ATG5: variants seen among roughly 807,000 people sequenced by gnomAD.
ATG5 encodes the protein autophagy protein 5.
In ATG5, 14 loss-of-function variants were observed where a neutral mutation model predicts 36.5. That is an observed-to-expected ratio of 0.38 (90% confidence interval 0.25 to 0.60). The LOEUF is 0.60. Ranked by LOEUF, ATG5 falls within the 20% of genes least tolerant of loss-of-function variation. ATG5 has a pLI of 0.60. For synonymous variants in ATG5, 95 were observed against 101.5 expected (o/e 0.94, Z 0.38); for missense variants, 195 against 326.7 (o/e 0.60, Z 3.11).
intron 7 of ATG5, 34 bp downstream of exon 7, chr6:106,201,938 G>T: frequency 6.8e-7 from 1 of 1,472,186 alleles, no homozygotes; most frequent in Non-Finnish European, 9.4e-7. Context: ...AACAGAAAAT[G>T]AAAGAAATGT....
intron 3 of ATG5, among the ~76,000 whole-genome samples, chr6:106,307,535 CTTT>C (rs34511184): frequency 1.0e-4 from 11 of 105,132 alleles, no homozygotes; most frequent in Admixed American, 3.6e-4. Context: ...TTTCAATACC[CTTT>C]TTTTTTTTTT....
intron 3 of ATG5, among the ~76,000 whole-genome samples, chr6:106,295,601 T>C (rs1258401142): frequency 1.3e-5 from 2 of 151,756 alleles, no homozygotes; most frequent in African/African-American, 4.8e-5. Context: ...TCTTACTCTG[T>C]AACCTAGGCT....
At chr6:106,294,052 GA>G (rs1338268827) in intron 3 of ATG5, among the ~76,000 whole-genome samples, 1 of 151,994 alleles carries the variant, frequency 6.6e-6, no homozygotes, top group Non-Finnish European at 1.5e-5. Context: ...TGAAATGCTG[GA>G]ATGAGCACTT....
intron 5 of ATG5, 41 bp downstream of exon 5, chr6:106,279,620 T>C (rs755799267): frequency 3.6e-6 from 5 of 1,382,944 alleles, no homozygotes; most frequent in Non-Finnish European, 4.8e-6. Context: ...GTATCATATT[T>C]TATAAAGTGG....
At chr6:106,255,378 T>C (rs1436441721) in intron 5 of ATG5, among the ~76,000 whole-genome samples, 1 of 152,212 alleles carries the variant, frequency 6.6e-6, no homozygotes, top group Non-Finnish European at 1.5e-5. Flanking sequence ...GCTTTATAAA[T>C]GGAGTCAGTA....
chr6:106,257,783 C>A (rs2114541376), intron 5 of ATG5, among the ~76,000 whole-genome samples: 1 of 152,276 alleles, frequency 6.6e-6, no homozygotes, highest in East Asian at 1.9e-4. Flanking sequence ...ATGGAAAATA[C>A]CTCTATAAAG....
At chr6:106,220,604 A>G (rs1777208686) in intron 6 of ATG5, among the ~76,000 whole-genome samples, 1 of 152,156 alleles carries the variant, frequency 6.6e-6, no homozygotes, top group Non-Finnish European at 1.5e-5. Flanking sequence ...ATTATTAGCA[A>G]ATAGTTATTT....
intron 5 of ATG5, among the ~76,000 whole-genome samples, chr6:106,265,829 T>C (rs1162988324): frequency 6.6e-6 from 1 of 152,210 alleles, no homozygotes; most frequent in Non-Finnish European, 1.5e-5. Flanking sequence ...CCAGAATCTC[T>C]GAGACACAGC....
chr6:106,245,773 T>C (rs964544695), intron 6 of ATG5, among the ~76,000 whole-genome samples: 2 of 152,172 alleles, frequency 1.3e-5, no homozygotes, highest in Non-Finnish European at 2.9e-5. Flanking sequence ...TCAAATATTA[T>C]AGAGATTTGT....
At chr6:106,209,897 A>T (rs570773931) in intron 6 of ATG5, among the ~76,000 whole-genome samples, 3 of 152,218 alleles carry the variant, frequency 2.0e-5, no homozygotes, top group African/African-American at 7.2e-5. Flanking sequence ...TTTGTTAATC[A>T]AAGTTTTCTC....
At chr6:106,312,691 G>A (rs112974478) in intron 2 of ATG5, among the ~76,000 whole-genome samples, 1 of 149,398 alleles carries the variant, frequency 6.7e-6, no homozygotes, top group African/African-American at 2.5e-5. Flanking sequence ...GCAAAACCAA[G>A]GATACTGAGC....
Position 106,292,676 on chromosome 6 carries a change from T to C in ATG5, c.315+352A>G, listed in dbSNP as rs1582662707. 2.6e-5 allele frequency among the ~76,000 whole-genome samples: 4 copies of C among 152,278 alleles called. 1 individual carries two copies. Among genetic ancestry groups the C allele is most frequent in the Admixed American group, 2.6e-4 (4 of 15,292 alleles). ...AATTTTATTTTTTATAGAGGCAGGG[T>C]CTCACTACATTGCCCAGGCTGGTCT... On this transcript the variant is annotated intron_variant, in intron 4 of 7. Coordinates refer to ENST00000369076, the MANE Select transcript of ATG5 (RefSeq NM_004849.4).
intron 1 of ATG5, among the ~76,000 whole-genome samples, chr6:106,321,635 G>C (rs1339640159): frequency 6.6e-6 from 1 of 152,110 alleles, no homozygotes; most frequent in East Asian, 1.9e-4. Context: ...TGGGATTACA[G>C]GCGTGAGCCA....
chr6:106,267,509 C>CA (rs776866416), intron 5 of ATG5, among the ~76,000 whole-genome samples: 1 of 152,054 alleles, frequency 6.6e-6, no homozygotes, highest in South Asian at 2.1e-4. Flanking sequence ...CATATGGAAC[C>CA]AAAAAAGAGC....
chr6:106,256,335 T>G (rs574588241), intron 5 of ATG5, among the ~76,000 whole-genome samples: 1 of 152,302 alleles, frequency 6.6e-6, no homozygotes, highest in South Asian at 2.1e-4. Context: ...ATTTCTTAAC[T>G]TTTGCTTCTC....
At chr6:106,323,855 C>T (rs1582701856) in intron 1 of ATG5, among the ~76,000 whole-genome samples, 1 of 152,200 alleles carries the variant, frequency 6.6e-6, no homozygotes, top group Admixed American at 6.5e-5. Flanking sequence ...TTCCCACATG[C>T]TCCTAAATGA....
intron 1 of ATG5, among the ~76,000 whole-genome samples, chr6:106,320,744 T>C (rs1259011742): frequency 6.6e-6 from 1 of 152,072 alleles, no homozygotes; most frequent in Non-Finnish European, 1.5e-5. Context: ...AAAATGAGAC[T>C]AGACCATGAA....
In ATG5 at chr6:106,184,991, T is replaced by G. The variant is rs1775713258; in HGVS notation, c.*1549A>C. ...ACATAACTCAAATATTGCTATTTTT[T>G]TCCTGCCTTTACTAAAATGGCACTT... On this transcript the variant is annotated 3_prime_UTR_variant, in exon 8 of 8. Transcript: ENST00000369076. 1 of 152,380 alleles carries G rather than the reference T, an allele frequency of 6.6e-6. No individual in the cohort carries two copies. The highest frequency in any genetic ancestry group is 1.5e-5 in the Non-Finnish European group (1 of 68,024). The allele number at this position is 152,380 out of a possible 1,614,324, so 9.4% of individuals were successfully genotyped here. A position where few individuals can be genotyped will look rare whatever the true frequency, so the allele number is the denominator to read the frequency against.
intron 6 of ATG5, among the ~76,000 whole-genome samples, chr6:106,237,743 A>T (rs1777956092): frequency 6.6e-6 from 1 of 152,242 alleles, no homozygotes; most frequent in African/African-American, 2.4e-5. Context: ...TATGAACATT[A>T]TAGTACATCA....
Sources: gnomAD v4.1 joint callset for allele counts (sites outside exome capture counted in the v4.1 genomes callset) on GRCh38, gnomAD v4.1.1 for gene constraint, MANE v1.5 for transcripts, NCBI Gene and HGNC (gene_info 2026-07-23, HGNC 2026-07-21) for gene names.